The following SRRM3 variants were observed in gnomAD, a reference collection of about 807,000 sequenced individuals.
The protein encoded by SRRM3 is serine/arginine repetitive matrix protein 3.
SRRM3 carries 27 observed loss-of-function variants against 66.2 expected under a neutral mutation model. The observed-to-expected ratio is 0.41, with a 90% CI of 0.30 to 0.56. The LOEUF (loss-of-function observed/expected upper bound fraction) is 0.56. SRRM3 is among the 20% of genes least tolerant of loss of function. The pLI, the probability that SRRM3 is intolerant of heterozygous loss-of-function variation, is 0.32. For synonymous variants in SRRM3, 391 were observed against 414.9 expected (o/e 0.94, Z 0.70); for missense variants, 918 against 991.9 (o/e 0.93, Z 1.00).
Position 76,235,301 on chromosome 7 carries a change from T to C in SRRM3, c.233+2T>C. On this transcript the variant is annotated splice_donor_variant, in intron 2 of 14. Transcript: ENST00000611745. LOFTEE classifies it high-confidence loss of function. ...GCAGGAGATGATGGAGGAGCAGGGG[T>C]GAGCAGGCCGCGGGGCGGGACTGGG... is the stretch of plus-strand genomic sequence containing the variant. 6.7e-7 allele frequency: 1 copy of C among 1,483,878 alleles called. No homozygotes were observed. Among genetic ancestry groups the C allele is most frequent in the Non-Finnish European group, 8.9e-7 (1 of 1,120,522 alleles). The allele number at this position is 1,483,878 out of a possible 1,614,324, so 91.9% of individuals were successfully genotyped here. A position where few individuals can be genotyped will look rare whatever the true frequency, so the allele number is the denominator to read the frequency against.
At chr7:76,268,350 C>T (rs1802126135) in intron 11 of SRRM3, 1 of 122,078 alleles carries the variant, frequency 8.2e-6, no homozygotes, top group South Asian at 2.7e-4. Flanking sequence ...TGAGACCCCT[C>T]AGAGAGAGGG....
At position 76,282,840 on chromosome 7, in the gene SRRM3, C is replaced by A; in HGVS notation, c.1563C>A (p.Ser521Arg). Reference protein sequence around the residue: ...RSAEKRPHSPSRSPSPKKPLS... With the variant: ...RSAEKRPHSPRRSPSPKKPLS... ...CGGAGAAGCGGCCCCACAGCCCCAG[C>A]CGCTCGCCGTCGCCCAAGAAGCCCC... The change falls in exon 13 of 15, where the codon AGC (serine) becomes AGA (arginine). Residue 521 changes from serine (S) to arginine (R), a missense_variant. Coordinates refer to ENST00000611745, the MANE Select transcript of SRRM3 (RefSeq NM_001110199.3). 6.9e-7 allele frequency: 1 copy of A among 1,455,590 alleles called. No individual in the cohort carries two copies. Among genetic ancestry groups the A allele is most frequent in the Non-Finnish European group, 9.0e-7 (1 of 1,108,806 alleles). 90.2% of individuals were successfully genotyped at this position (1,455,590 alleles called of 1,614,324 possible). A position where few individuals can be genotyped will look rare whatever the true frequency, so the allele number is the denominator to read the frequency against.
At chr7:76,210,688 G>A (rs1413331817) in intron 1 of SRRM3, among the ~76,000 whole-genome samples, 2 of 152,146 alleles carry the variant, frequency 1.3e-5, no homozygotes, top group African/African-American at 4.8e-5. Context: ...GGGGCGGGTA[G>A]TGCACTATGA....
In SRRM3 at chr7:76,267,333, G is replaced by A. The variant is rs782737704; in HGVS notation, c.906G>A (p.Pro302=). ...QRSSGSRSPS[P]SGGSGWGSPQ... is the part of the protein sequence containing the mutation. ...CCAGCGGAAGCCGGTCGCCTTCCCC[G>A]TCGGGCGGCAGCGGATGGGGGTCGC... Residue 302 remains proline, a synonymous_variant, in exon 11 of 15, where the codon CCG becomes CCA. Coordinates refer to ENST00000611745, the MANE Select transcript of SRRM3 (RefSeq NM_001110199.3). 5.2e-6 allele frequency: 8 copies of A among 1,538,166 alleles called. No homozygotes were observed. The highest frequency in any genetic ancestry group is 2.9e-5 in the African/African-American group (2 of 69,392).
rs1802504150 is a variant in SRRM3 at position 76,281,454 on chromosome 7, C to T, written c.1022C>T (p.Pro341Leu). 1 of 1,236,984 alleles carries T rather than the reference C, an allele frequency of 8.1e-7. No individual in the cohort carries two copies. Among genetic ancestry groups the T allele is most frequent in the Non-Finnish European group, 1.0e-6 (1 of 985,126 alleles). The allele number at this position is 1,236,984 out of a possible 1,614,324, so 76.6% of individuals were successfully genotyped here. A position where few individuals can be genotyped will look rare whatever the true frequency, so the allele number is the denominator to read the frequency against. The stretch of plus-strand genomic sequence containing the variant: ...TCTCCCCGTCAGAAGCCCAGCTCGC[C>T]CTCGCCCAGGGTCCGTGACAAGGCG... Reference protein sequence around the residue: ...AHSPPDKPSSPSPRVRDKAAA... With the variant: ...AHSPPDKPSSLSPRVRDKAAA... Residue 341 changes from proline (P) to leucine (L), a missense_variant, in exon 12 of 15, where the codon CCC becomes CTC. Physicochemically the swap from Pro to Leu is moderately conservative, Grantham distance 98. Transcript: ENST00000611745.
At chr7:76,215,410 T>G (rs1554602410) in intron 1 of SRRM3, among the ~76,000 whole-genome samples, 2 of 147,136 alleles carry the variant, frequency 1.4e-5, no homozygotes, top group African/African-American at 2.5e-5. Context: ...TTTTTTTTTT[T>G]TTTTTTTTTT....
chr7:76,270,011 C>T (rs1802172079), intron 11 of SRRM3: 1 of 152,032 alleles, frequency 6.6e-6, no homozygotes, highest in African/African-American at 2.4e-5. Flanking sequence ...ACACCAACAG[C>T]TCCTGCCAAG....
At chr7:76,232,893 G>C (rs971322990) in intron 1 of SRRM3, among the ~76,000 whole-genome samples, 1 of 152,098 alleles carries the variant, frequency 6.6e-6, no homozygotes, top group Admixed American at 6.6e-5. Context: ...ATGAAGGTCT[G>C]GGAGCAGGGA....
chr7:76,231,817 A>G (rs1801022895), intron 1 of SRRM3, among the ~76,000 whole-genome samples: 1 of 152,028 alleles, frequency 6.6e-6, no homozygotes, highest in African/African-American at 2.4e-5. Context: ...TTCCCAGAGG[A>G]GGTGATTTTT....
At chr7:76,207,230 A>T (rs1186896202) in intron 1 of SRRM3, among the ~76,000 whole-genome samples, 2 of 152,130 alleles carry the variant, frequency 1.3e-5, no homozygotes, top group East Asian at 3.8e-4. Flanking sequence ...TGAGTCTAGG[A>T]CTTCAAGGAT....
chr7:76,282,590 G>GCCGGGGGCTGTGCCCCATACCC, intron 12 of SRRM3, 58 bp from the exon 13 acceptor site: 1 of 94,764 alleles, frequency 1.1e-5, no homozygotes, highest in East Asian at 1.3e-4. Flanking sequence ...AACCCTCCCC[G>GCCGGGGGCTGTGCCCCATACCC]CCCCCAGCCC....
rs868920097 is a variant in SRRM3 at position 76,235,238 on chromosome 7, G to C, written c.172G>C (p.Glu58Gln). The C allele has an allele frequency of 1.9e-6, 3 of 1,555,058 alleles. No individual in the cohort carries two copies. Among genetic ancestry groups the C allele is most frequent in the East Asian group, 2.4e-5 (1 of 42,014 alleles). Residue 58 changes from glutamate (E) to glutamine (Q), a missense_variant, in exon 2 of 15, where the codon GAG becomes CAG. Glu to Gln is a conservative substitution (Grantham distance 29). Coordinates refer to ENST00000611745, the MANE Select transcript of SRRM3 (RefSeq NM_001110199.3). Reference sequence around the variant, plus strand: ...CGCGCACCGCGAGATCCTGGACCACGAGCGCAAGCGGCGGGTGGAGCTCAA... The same window carrying C: ...CGCGCACCGCGAGATCCTGGACCACCAGCGCAAGCGGCGGGTGGAGCTCAA... ...KRAHREILDH[E>Q]RKRRVELKCM...
chr7:76,261,467 G>T, intron 7 of SRRM3, 53 bp downstream of exon 7: 1 of 1,598,764 alleles, frequency 6.3e-7, no homozygotes, highest in Non-Finnish European at 8.5e-7. Context: ...TGGGGCCCAG[G>T]GCCAGGGCTG....
intron 1 of SRRM3, among the ~76,000 whole-genome samples, chr7:76,205,019 C>G (rs145648149): frequency 8.3e-4 from 126 of 152,196 alleles, no homozygotes; most frequent in African/African-American, 2.9e-3. Context: ...GATCCCCTCT[C>G]TCCTCATTGA....
At chr7:76,260,822 C>T (rs969893574) in intron 5 of SRRM3, 52 bp from the exon 6 acceptor site, 2 of 1,548,094 alleles carry the variant, frequency 1.3e-6, no homozygotes, top group Non-Finnish European at 1.7e-6. Flanking sequence ...GTCTGGGGCC[C>T]CAACTAACCC....
At position 76,239,535 on chromosome 7, in the gene SRRM3, C is replaced by CA. The variant is rs1359535597; in HGVS notation, c.233+4245dup. On this transcript the variant is annotated intron_variant, in intron 2 of 14. Coordinates refer to ENST00000611745, the MANE Select transcript of SRRM3 (RefSeq NM_001110199.3). ...AGTGAGCCCCCTGCCAATCCACCTACAAAAAAAAATTTTTTTAACTAGCCA... is the reference window on the plus strand; with the variant it reads ...AGTGAGCCCCCTGCCAATCCACCTACAAAAAAAAAATTTTTTTAACTAGCCA... 7.9e-5 allele frequency among the ~76,000 whole-genome samples: 12 copies of CA among 151,584 alleles called. 1 individual carries two copies. The highest frequency in any genetic ancestry group is 7.8e-4 in the East Asian group (4 of 5,104).
Position 76,281,578 on chromosome 7 carries a change from G to T in SRRM3, c.1146G>T (p.Gly382=). ...GTCGCGGAGGCCGCGCGGCGGGCGG[G>T]GCGGGCAGGCGGCGGCGGCGGCGGC... ...SQGRGGRAAG[G]AGRRRRRRRR... The change falls in exon 12 of 15, where the codon GGG becomes GGT. Residue 382 remains glycine, a synonymous_variant. Transcript: ENST00000611745. 2 of 985,432 alleles carry T rather than the reference G, an allele frequency of 2.0e-6. No homozygotes were observed. Among genetic ancestry groups the T allele is most frequent in the Non-Finnish European group, 2.4e-6 (2 of 831,412 alleles). 61.0% of individuals were successfully genotyped at this position (985,432 alleles called of 1,614,324 possible). A position where few individuals can be genotyped will look rare whatever the true frequency, so the allele number is the denominator to read the frequency against.
intron 10 of SRRM3, among the ~76,000 whole-genome samples, chr7:76,266,074 T>G (rs1554609546): frequency 1.2e-5 from 1 of 80,678 alleles, no homozygotes; most frequent in Non-Finnish European, 1.9e-5. Context: ...TTCACCGTTT[T>G]AGCCGGGATG....
intron 2 of SRRM3, among the ~76,000 whole-genome samples, chr7:76,245,179 T>A (rs1278743053): frequency 6.6e-6 from 1 of 152,184 alleles, no homozygotes; most frequent in Non-Finnish European, 1.5e-5. Context: ...TGAAAGTTAA[T>A]GTATGAGTCA....
Sources: allele counts gnomAD v4.1 joint callset (sites outside exome capture counted in the v4.1 genomes callset), GRCh38; gene constraint gnomAD v4.1.1; transcripts MANE v1.5; gene names NCBI Gene and HGNC (gene_info 2026-07-23, HGNC 2026-07-21).